The following ZNF597 variants were observed in gnomAD, a reference collection of about 807,000 sequenced individuals.
The protein encoded by ZNF597 is zinc finger protein 597.
A neutral mutation model predicts 7.3 loss-of-function variants in ZNF597; 5 were observed. The ratio of observed to expected loss-of-function variants is 0.68; its 90% CI spans 0.36 to 1.44. The LOEUF (loss-of-function observed/expected upper bound fraction) is 1.44, where lower values mean the gene tolerates loss of function less well. Ranked by LOEUF, ZNF597 falls within the 40% of genes most tolerant of loss-of-function variation. ZNF597 has a pLI of 0.04. For missense variants in ZNF597, 585 were observed against 517.9 expected, an observed-to-expected ratio of 1.13 and a Z score of -1.26; for synonymous variants, 209 against 185.4, an observed-to-expected ratio of 1.13 and a Z score of -1.04.
chr16:3,441,966 C>T (rs2034383783), intron 2 of ZNF597, among the ~76,000 whole-genome samples: 1 of 137,614 alleles, frequency 7.3e-6, no homozygotes, highest in Non-Finnish European at 1.5e-5. Context: ...GGCGTCGCAG[C>T]GAGACTGTCT....
In ZNF597 at chr16:3,435,501, T is replaced by C. The variant is rs2034291105; in HGVS notation, c.*923A>G. The C allele has an allele frequency of 6.6e-6, 1 of 152,218 alleles. No individual in the cohort carries two copies. Among genetic ancestry groups the C allele is most frequent in the African/African-American group, 2.4e-5 (1 of 41,450 alleles). The allele number at this position is 152,218 out of a possible 1,614,324, so 9.4% of individuals were successfully genotyped here. ...CAGTTTCACCACAATGTGATTTGTG[T>C]GCTGGGCAAAGAACTGACTTTACCC... On this transcript the variant is annotated 3_prime_UTR_variant, in exon 4 of 4. Coordinates refer to ENST00000301744, the MANE Select transcript of ZNF597 (RefSeq NM_152457.3).
rs921669876 is a variant in ZNF597, at chr16:3,435,751, A to C, written c.*673T>G. 1.3e-5 allele frequency: 2 copies of C among 152,226 alleles called. No homozygotes were observed. Among genetic ancestry groups the C allele is most frequent in the Middle Eastern group, 3.2e-3 (1 of 316 alleles). The allele number at this position is 152,226 out of a possible 1,614,324, so 9.4% of individuals were successfully genotyped here. A position where few individuals can be genotyped will look rare whatever the true frequency, so the allele number is the denominator to read the frequency against. On this transcript the variant is annotated 3_prime_UTR_variant, in exon 4 of 4. Coordinates refer to ENST00000301744, the MANE Select transcript of ZNF597 (RefSeq NM_152457.3). The stretch of plus-strand genomic sequence containing the variant: ...CCTCCCCAAGTCAAGTCCAGCCTCC[A>C]GAAAAGGGCTGCAGTTAGACTTCCA...
At position 3,433,346 on chromosome 16, in the gene ZNF597, C is replaced by G. The variant is rs1225511738; in HGVS notation, c.*3078G>C. ...CTGTTTAAAAGACTGTTTAACTATT[C>G]CAGCAATCATGTTAAGGAACTGTTG... On this transcript the variant is annotated 3_prime_UTR_variant, in exon 4 of 4. Transcript: ENST00000301744. 4 of 152,182 alleles carry G rather than the reference C, an allele frequency of 2.6e-5. No individual in the cohort carries two copies. The South Asian group carries it at 8.3e-4, about 31-fold the overall frequency. 9.4% of individuals were successfully genotyped at this position (152,182 alleles called of 1,614,324 possible). A position where few individuals can be genotyped will look rare whatever the true frequency, so the allele number is the denominator to read the frequency against.
intron 3 of ZNF597, among the ~76,000 whole-genome samples, chr16:3,439,072 T>C (rs1421833543): frequency 6.6e-5 from 10 of 152,060 alleles, no homozygotes. Context: ...GTCATCTACA[T>C]GGGGTCCCCT....
intron 2 of ZNF597, among the ~76,000 whole-genome samples, chr16:3,441,639 T>C (rs1478986108): frequency 2.0e-5 from 3 of 151,794 alleles, no homozygotes; most frequent in Non-Finnish European, 2.9e-5. Context: ...TAAGCCGAGA[T>C]TGCACCATTG....
rs2034299236 is a variant in ZNF597, at chr16:3,436,307, T to C, written c.*117A>G. The C allele has an allele frequency of 2.1e-6, 2 of 953,396 alleles. No individual in the cohort carries two copies. The highest frequency in any genetic ancestry group is 1.6e-5 in the African/African-American group (1 of 60,612). The allele number at this position is 953,396 out of a possible 1,614,324, so 59.1% of individuals were successfully genotyped here. On this transcript the variant is annotated 3_prime_UTR_variant, in exon 4 of 4. Coordinates refer to ENST00000301744, the MANE Select transcript of ZNF597 (RefSeq NM_152457.3). ...TCACGGTTGTGCTGAGAATTAAGTA[T>C]TACATGGGAATGTGTGTAAAGTGCT...
At position 3,433,699 on chromosome 16, in the gene ZNF597, T is replaced by G. The variant is rs114971471; in HGVS notation, c.*2725A>C. 4.4e-4 allele frequency: 67 copies of G among 152,304 alleles called. No homozygotes were observed. The highest frequency in any genetic ancestry group is 1.5e-3 in the African/African-American group (64 of 41,568). 9.4% of individuals were successfully genotyped at this position (152,304 alleles called of 1,614,324 possible). On this transcript the variant is annotated 3_prime_UTR_variant, in exon 4 of 4. Transcript: ENST00000301744. ...AGCCTGAAGCTCACCAGCAGATATATCTTTTCCTTCAATTCCCTGGGGGTA... is the reference window on the plus strand; with the variant it reads ...AGCCTGAAGCTCACCAGCAGATATAGCTTTTCCTTCAATTCCCTGGGGGTA...
In ZNF597 at chr16:3,435,506, G is replaced by A. The variant is rs758082104; in HGVS notation, c.*918C>T. ...TCACCACAATGTGATTTGTGTGCTG[G>A]GCAAAGAACTGACTTTACCCTCTGA... On this transcript the variant is annotated 3_prime_UTR_variant, in exon 4 of 4. Transcript: ENST00000301744. The A allele has an allele frequency of 7.2e-5, 11 of 152,114 alleles. No homozygotes were observed. Among genetic ancestry groups the A allele is most frequent in the Admixed American group, 3.3e-4 (5 of 15,258 alleles). 9.4% of individuals were successfully genotyped at this position (152,114 alleles called of 1,614,324 possible).
chr16:3,442,053 A>C (rs1281898757), intron 2 of ZNF597, among the ~76,000 whole-genome samples: 1 of 151,796 alleles, frequency 6.6e-6, no homozygotes, highest in Non-Finnish European at 1.5e-5. Flanking sequence ...TAAAGGTTAC[A>C]GGATTCTCCC....
rs181779914 is a variant in ZNF597, at chr16:3,439,332, G to A, written c.160+1475C>T. ...TGGGAGGTCAGGGCTGCAGTGAGCC[G>A]TGATTGTGCCACTGCACTCCAGCCT... is the stretch of plus-strand genomic sequence containing the variant. On this transcript the variant is annotated intron_variant, in intron 3 of 3. Transcript: ENST00000301744. 6.3e-4 allele frequency among the ~76,000 whole-genome samples: 96 copies of A among 152,122 alleles called. 1 individual carries two copies. The highest frequency in any genetic ancestry group is 3.4e-3 in the Middle Eastern group (1 of 294).
Position 3,437,464 on chromosome 16 carries a change from T to C in ZNF597, c.235A>G (p.Lys79Glu). ...ACAAGGGGTGCAGCAATGGGGTACT[T>C]TTCTAAGGCAAGCTCGTCAAGTTCC... ...SMELDELALEKYPIAAPLVPY... is the reference protein window; with the variant it reads ...SMELDELALEEYPIAAPLVPY... The change falls in exon 4 of 4, where the codon AAG becomes GAG. Residue 79 changes from lysine (K) to glutamate (E), a missense_variant. Coordinates refer to ENST00000301744, the MANE Select transcript of ZNF597 (RefSeq NM_152457.3). 6.2e-7 allele frequency: 1 copy of C among 1,614,194 alleles called. No individual in the cohort carries two copies. The highest frequency in any genetic ancestry group is 8.5e-7 in the Non-Finnish European group (1 of 1,180,030).
chr16:3,436,686 A>T lies in ZNF597; in HGVS notation c.1013T>A (p.Phe338Tyr). 3 of 1,613,992 alleles carry T rather than the reference A, an allele frequency of 1.9e-6. No individual in the cohort carries two copies. Among genetic ancestry groups the T allele is most frequent in the African/African-American group, 2.7e-5 (2 of 75,040 alleles). ...DGDNFFSFSKFKPLQCPDCDM... is the reference protein window; with the variant it reads ...DGDNFFSFSKYKPLQCPDCDM... ...ACAGTCAGGACACTGTAAGGGCTTG[A>T]ATTTTGAGAATGAGAAGAAATTGTC... Residue 338 changes from phenylalanine to tyrosine, a missense_variant, in exon 4 of 4, where the codon TTC (phenylalanine) becomes TAC (tyrosine). By Grantham distance (22) the Phe-to-Tyr change is conservative. Transcript: ENST00000301744.
chr16:3,438,677 C>G (rs1158080326), intron 3 of ZNF597, among the ~76,000 whole-genome samples: 1 of 152,072 alleles, frequency 6.6e-6, no homozygotes, highest in Admixed American at 6.6e-5. Flanking sequence ...TTTATTATCA[C>G]CAGGAGAACT....
chr16:3,443,215 G>A lies in ZNF597; in HGVS notation c.-53-9C>T, dbSNP rs150128953. The A allele has an allele frequency of 4.3e-4, 673 of 1,550,658 alleles. 1 individual carries two copies. In the African/African-American group the frequency reaches 8.3e-3, roughly 19 times the overall value. On this transcript the variant is annotated splice_polypyrimidine_tract_variant and intron_variant, in intron 1 of 3. Coordinates refer to ENST00000301744, the MANE Select transcript of ZNF597 (RefSeq NM_152457.3). ...GGGACTTCGTGACAAAGCTGCGGGG[G>A]GAGAGAACAGTTCTTAAAGGGACCA... is the stretch of plus-strand genomic sequence containing the variant.
chr16:3,441,067 G>C (rs2270496), intron 2 of ZNF597, 134 bp from the exon 3 acceptor site: 64,061 of 1,242,672 alleles, frequency 0.052, 1,919 homozygotes, highest in Non-Finnish European at 0.056. Context: ...CTTGAGCGCA[G>C]AAGTAGGGCA....
At chr16:3,439,763 G>A (rs965865649) in intron 3 of ZNF597, among the ~76,000 whole-genome samples, 2 of 151,354 alleles carry the variant, frequency 1.3e-5, no homozygotes, top group Admixed American at 6.6e-5. Context: ...TCTAACATCC[G>A]ACCAAAATTT....
chr16:3,436,738 C>A lies in ZNF597; in HGVS notation c.961G>T (p.Asp321Tyr). The A allele has an allele frequency of 6.2e-7, 1 of 1,614,054 alleles. No individual in the cohort carries two copies. The highest frequency in any genetic ancestry group is 1.1e-5 in the South Asian group (1 of 91,070). Reference protein sequence around the residue: ...PALSEKSHDEDSERCSDDGDN... With the variant: ...PALSEKSHDEYSERCSDDGDN... ...CCATCATCGCTGCAGCGTTCAGAGT[C>A]CTCGTCGTGGCTCTTCTCGGAAAGG... is the stretch of plus-strand genomic sequence containing the variant. The change falls in exon 4 of 4, where the codon GAC (aspartate) becomes TAC (tyrosine). Residue 321 changes from aspartate (D) to tyrosine (Y), a missense_variant. Physicochemically the swap from Asp to Tyr is radical, Grantham distance 160. Coordinates refer to ENST00000301744, the MANE Select transcript of ZNF597 (RefSeq NM_152457.3).
chr16:3,442,292 A>C (rs1486722884), intron 2 of ZNF597, among the ~76,000 whole-genome samples: 7 of 151,564 alleles, frequency 4.6e-5, no homozygotes, highest in Admixed American at 3.3e-4. Context: ...CCAGAAAGTC[A>C]CTTTTAATCC....
Position 3,437,232 on chromosome 16 carries a change from T to A in ZNF597, c.467A>T (p.Tyr156Phe). 1 of 1,614,248 alleles carries A rather than the reference T, an allele frequency of 6.2e-7. No homozygotes were observed. The highest frequency in any genetic ancestry group is 8.5e-7 in the Non-Finnish European group (1 of 1,180,036). ...GTTTTGGTCACACTCAGGACATTTG[T>A]ACACATTTTTGGCTCCTTCCCAGGG... is the stretch of plus-strand genomic sequence containing the variant. ...DSPWEGAKNVYKCPECDQNFS... is the reference protein window; with the variant it reads ...DSPWEGAKNVFKCPECDQNFS... The change falls in exon 4 of 4, where the codon TAC becomes TTC. Residue 156 changes from tyrosine to phenylalanine, a missense_variant. Physicochemically the swap from Tyr to Phe is conservative, Grantham distance 22 (BLOSUM62 3). Transcript: ENST00000301744.
Sources: allele counts gnomAD v4.1 joint callset (sites outside exome capture counted in the v4.1 genomes callset), GRCh38; gene constraint gnomAD v4.1.1; transcripts MANE v1.5; gene names NCBI Gene and HGNC (gene_info 2026-07-23, HGNC 2026-07-21).